Variants in SGMS1 observed in about 807,000 individuals in gnomAD.
SGMS1 encodes phosphatidylcholine:ceramide cholinephosphotransferase 1.
A neutral mutation model predicts 46.2 loss-of-function variants in SGMS1; 13 were observed. That is an observed-to-expected ratio of 0.28 (90% CI 0.18 to 0.45). The LOEUF is 0.45. Among genes scored for constraint, SGMS1 ranks in the 20% least tolerant of loss-of-function variants. The pLI, the probability that SGMS1 is intolerant of heterozygous loss-of-function variation, is 1.00. For missense variants in SGMS1, 324 were observed against 519.9 expected, an observed-to-expected ratio of 0.62 and a Z score of 3.66; for synonymous variants, 203 against 187.8, an observed-to-expected ratio of 1.08 and a Z score of -0.66.
At position 50,343,982 on chromosome 10, in the gene SGMS1, T is replaced by G. The variant is rs892169335; in HGVS notation, c.133A>C (p.Lys45Gln). ...GAGACTCGGCACAAGGGGGGTTTTT[T>G]GAAATCCTCTTGGGTTAGGTTGATC... ...DLINLTQEDF[K>Q]KPPLCRVSSD... Residue 45 changes from lysine (K) to glutamine (Q), a missense_variant, in exon 7 of 11, where the codon AAA becomes CAA. Physicochemically the swap from Lys to Gln is moderately conservative, Grantham distance 53. This residue lies in a region of SGMS1 where 150 missense variants were observed against 169.8 expected (regional missense o/e 0.88). Coordinates refer to ENST00000361781, the MANE Select transcript of SGMS1 (RefSeq NM_147156.4). The G allele has an allele frequency of 2.5e-6, 4 of 1,614,198 alleles. No homozygotes were observed. Among genetic ancestry groups the G allele is most frequent in the Non-Finnish European group, 3.4e-6 (4 of 1,180,038 alleles).
At chr10:50,424,627 A>G (rs192798328) in intron 6 of SGMS1, among the ~76,000 whole-genome samples, 26 of 152,338 alleles carry the variant, frequency 1.7e-4, no homozygotes, top group Middle Eastern at 6.8e-3. Context: ...ACAGAATGGG[A>G]GAAAATATTT....
intron 2 of SGMS1, among the ~76,000 whole-genome samples, chr10:50,536,332 C>A (rs971528120): frequency 6.6e-6 from 1 of 151,848 alleles, no homozygotes; most frequent in Non-Finnish European, 1.5e-5. Flanking sequence ...AAAAAATGAA[C>A]AAAGAAACAA....
intron 6 of SGMS1, among the ~76,000 whole-genome samples, chr10:50,408,431 T>TAAAAAA (rs71029307): frequency 7.4e-5 from 7 of 95,218 alleles, no homozygotes; most frequent in Middle Eastern, 6.7e-3. Context: ...CCTCATCTCT[T>TAAAAAA]AAAAAAAAAA....
chr10:50,512,201 G>A (rs1837762182), intron 3 of SGMS1, among the ~76,000 whole-genome samples: 1 of 152,172 alleles, frequency 6.6e-6, no homozygotes, highest in Non-Finnish European at 1.5e-5. Flanking sequence ...GCACCTGAGA[G>A]AGGGCAGACG....
At chr10:50,360,099 A>G (rs895446636) in intron 6 of SGMS1, among the ~76,000 whole-genome samples, 1 of 152,180 alleles carries the variant, frequency 6.6e-6, no homozygotes, top group Non-Finnish European at 1.5e-5. Flanking sequence ...TTCCTTCATT[A>G]GCTTTCTTAA....
At chr10:50,494,027 G>C (rs1323497113) in intron 3 of SGMS1, among the ~76,000 whole-genome samples, 1 of 152,180 alleles carries the variant, frequency 6.6e-6, no homozygotes, top group Non-Finnish European at 1.5e-5. Flanking sequence ...TCAAACTCCT[G>C]GCCTCGTGAT....
intron 6 of SGMS1, among the ~76,000 whole-genome samples, chr10:50,356,505 T>C (rs565580409): frequency 3.3e-5 from 5 of 152,008 alleles, no homozygotes; most frequent in Admixed American, 6.6e-5. Context: ...CCCTCCACTA[T>C]TGTCCTATGA....
At chr10:50,453,749 A>T (rs1837142467) in intron 5 of SGMS1, among the ~76,000 whole-genome samples, 1 of 134,066 alleles carries the variant, frequency 7.5e-6, no homozygotes, top group Non-Finnish European at 1.5e-5. Context: ...GGAGAGACAG[A>T]GGGAGAAGGA....
chr10:50,540,473 T>C (rs1459239742), intron 2 of SGMS1, among the ~76,000 whole-genome samples: 1 of 152,192 alleles, frequency 6.6e-6, no homozygotes, highest in East Asian at 1.9e-4. Context: ...ATCCACTATA[T>C]GCCAGCCACT....
At chr10:50,621,811 T>C (rs1332484294) in intron 1 of SGMS1, among the ~76,000 whole-genome samples, 4 of 152,228 alleles carry the variant, frequency 2.6e-5, no homozygotes, top group Non-Finnish European at 1.5e-5. Context: ...CACTTCACTG[T>C]TTTTACATAT....
At chr10:50,347,156 C>CA (rs573345982) in intron 6 of SGMS1, among the ~76,000 whole-genome samples, 160 of 152,282 alleles carry the variant, frequency 1.1e-3, no homozygotes, top group African/African-American at 3.7e-3. Flanking sequence ...CTAGACTCCC[C>CA]AAAGAGCCTA....
At chr10:50,313,927 T>C (rs1847298704) in intron 8 of SGMS1, among the ~76,000 whole-genome samples, 1 of 152,102 alleles carries the variant, frequency 6.6e-6, no homozygotes, top group African/African-American at 2.4e-5. Flanking sequence ...TTATCAAACT[T>C]CTGCAAAGGG....
intron 2 of SGMS1, among the ~76,000 whole-genome samples, chr10:50,525,428 G>C (rs922831565): frequency 6.6e-6 from 1 of 152,164 alleles, no homozygotes; most frequent in Non-Finnish European, 1.5e-5. Flanking sequence ...GAGCAAGGCA[G>C]AGAGGATCAA....
chr10:50,389,498 C>T (rs1398953739), intron 6 of SGMS1, among the ~76,000 whole-genome samples: 1 of 152,192 alleles, frequency 6.6e-6, no homozygotes, highest in Non-Finnish European at 1.5e-5. Flanking sequence ...GCCATCAAAT[C>T]AAAGTGTTTT....
chr10:50,369,718 C>T (rs16930272), intron 6 of SGMS1, among the ~76,000 whole-genome samples: 2,520 of 152,256 alleles, frequency 0.017, 66 homozygotes, highest in African/African-American at 0.057. Context: ...GAACCAGTTT[C>T]AACAAAGATC....
intron 2 of SGMS1, among the ~76,000 whole-genome samples, chr10:50,568,120 C>A (rs1838305139): frequency 6.6e-6 from 1 of 152,166 alleles, no homozygotes; most frequent in East Asian, 1.9e-4. Flanking sequence ...ATATATCAAA[C>A]ATCCGAATCT....
Position 50,343,971 on chromosome 10 carries a change from G to C in SGMS1, c.144C>G (p.Pro48=), listed in dbSNP as rs138075679. 2 of 1,605,078 alleles carry C rather than the reference G, an allele frequency of 1.2e-6. No individual in the cohort carries two copies. The highest frequency in any genetic ancestry group is 8.5e-7 in the Non-Finnish European group (1 of 1,173,392). ...NLTQEDFKKP[P]LCRVSSDNGQ... is the part of the protein sequence containing the mutation. ...CATTGTCAGAGGAGACTCGGCACAA[G>C]GGGGGTTTTTTGAAATCCTCTTGGG... The change falls in exon 7 of 11, where the codon CCC becomes CCG. Residue 48 remains proline (P), a synonymous_variant. Transcript: ENST00000361781.
intron 6 of SGMS1, among the ~76,000 whole-genome samples, chr10:50,355,446 C>T (rs1050750121): frequency 6.6e-6 from 1 of 152,128 alleles, no homozygotes; most frequent in East Asian, 1.9e-4. Flanking sequence ...GACTGGTTTT[C>T]GTGTTTTTGG....
At chr10:50,552,927 C>T (rs969995233) in intron 2 of SGMS1, among the ~76,000 whole-genome samples, 9 of 152,142 alleles carry the variant, frequency 5.9e-5, no homozygotes, top group Non-Finnish European at 1.3e-4. Context: ...AGGGCAGCCA[C>T]AAATCAAGGG....
Sources: gnomAD v4.1 joint callset for allele counts (sites outside exome capture counted in the v4.1 genomes callset) on GRCh38, gnomAD v4.1.1 for gene constraint, gnomAD v4.1.1 regional missense constraint, MANE v1.5 for transcripts, NCBI Gene and HGNC (gene_info 2026-07-23, HGNC 2026-07-21) for gene names.